ARHGAP35: variants seen among roughly 807,000 people sequenced by gnomAD.
The protein encoded by ARHGAP35 is Rho GTPase activating protein 35, also known as rho GTPase-activating protein 35.
Under a neutral mutation model 111.1 loss-of-function variants are expected in ARHGAP35, and 15 were observed. The observed-to-expected ratio is 0.13, with a 90% CI of 0.09 to 0.21. The LOEUF is 0.21. ARHGAP35 is among the 10% of genes least tolerant of loss of function. ARHGAP35 has a pLI of 1.00. For missense variants in ARHGAP35, 1,262 were observed against 1,873.0 expected (o/e 0.67, Z 6.02); for synonymous variants, 643 against 710.3 (o/e 0.91, Z 1.51).
chr19:46,884,211 G>T (rs374550114), intron 1 of ARHGAP35, among the ~76,000 whole-genome samples: 1 of 152,012 alleles, frequency 6.6e-6, no homozygotes, highest in Non-Finnish European at 1.5e-5. Flanking sequence ...TTTTGGAAGC[G>T]AAGGCAGGAG....
intron 3 of ARHGAP35, among the ~76,000 whole-genome samples, chr19:46,976,210 C>CT (rs772367746): frequency 0.33 from 39,343 of 118,636 alleles, 7,191 homozygotes; most frequent in East Asian, 0.41. Flanking sequence ...AAGCTTTCTC[C>CT]TTTTTTTTTT....
intron 1 of ARHGAP35, among the ~76,000 whole-genome samples, chr19:46,912,986 T>G (rs1250534580): frequency 1.3e-5 from 2 of 152,026 alleles, no homozygotes; most frequent in Non-Finnish European, 2.9e-5. Flanking sequence ...ATTTCCCCTA[T>G]TGAGATTAAG....
At chr19:46,891,508 C>A (rs528091315) in intron 1 of ARHGAP35, among the ~76,000 whole-genome samples, 211 of 151,336 alleles carry the variant, frequency 1.4e-3, no homozygotes, top group African/African-American at 4.8e-3. Context: ...CTCACTGCAA[C>A]CTCCGCCTCC....
At position 46,988,438 on chromosome 19, in the gene ARHGAP35, G is replaced by T; in HGVS notation, c.3904+372G>T. 1.3e-4 allele frequency: 31 copies of T among 236,486 alleles called. No homozygotes were observed. In the East Asian group the frequency reaches 1.8e-3, roughly 14 times the overall value. The allele number at this position is 236,486 out of a possible 1,614,324, so 14.6% of individuals were successfully genotyped here. Reference sequence around the variant, plus strand: ...ACAAGTCGGGTTGAGATGTGATCCTGTTTTGCCAGGGCCTCAGATCTACCC... The same window carrying T: ...ACAAGTCGGGTTGAGATGTGATCCTTTTTTGCCAGGGCCTCAGATCTACCC... On this transcript the variant is annotated intron_variant, in intron 4 of 6. Coordinates refer to ENST00000672722, the MANE Select transcript of ARHGAP35 (RefSeq NM_004491.5). The surrounding 1 kb of genome is among the most constrained non-coding windows in gnomAD (Gnocchi z 5.4).
At chr19:46,897,025 C>G (rs527508420) in intron 1 of ARHGAP35, among the ~76,000 whole-genome samples, 10 of 151,546 alleles carry the variant, frequency 6.6e-5, no homozygotes, top group Non-Finnish European at 1.3e-4. Flanking sequence ...TCCCAAGTAG[C>G]TGGGACTACA....
At chr19:46,966,713 T>C (rs1366865558) in intron 3 of ARHGAP35, among the ~76,000 whole-genome samples, 1 of 152,216 alleles carries the variant, frequency 6.6e-6, no homozygotes, top group African/African-American at 2.4e-5. Context: ...TGTAATAAGT[T>C]AGTCTATAAT....
At position 46,868,071 on chromosome 19, in the gene ARHGAP35, T is replaced by G. The variant is rs755953775; in HGVS notation, c.-189+6862T>G. 7.2e-4 allele frequency among the ~76,000 whole-genome samples: 110 copies of G among 152,202 alleles called. 1 individual carries two copies. Among genetic ancestry groups the G allele is most frequent in the Non-Finnish European group, 2.4e-4 (16 of 68,032 alleles). On this transcript the variant is annotated intron_variant, in intron 1 of 6. Coordinates refer to ENST00000672722, the MANE Select transcript of ARHGAP35 (RefSeq NM_004491.5). ...TTAGTAGAGACGGGGTTTTGCCATG[T>G]TGGCCAGCCTGGTCTCGAACTCCTG...
chr19:46,937,182 C>T, intron 2 of ARHGAP35, 82 bp from the exon 3 acceptor site: 1 of 1,516,724 alleles, frequency 6.6e-7, no homozygotes, highest in South Asian at 1.2e-5. Flanking sequence ...CCACTGCTTC[C>T]CTTCTGGAAG....
At chr19:46,878,435 A>G (rs1391520144) in intron 1 of ARHGAP35, among the ~76,000 whole-genome samples, 2 of 151,684 alleles carry the variant, frequency 1.3e-5, no homozygotes, top group African/African-American at 2.4e-5. Flanking sequence ...TTGTGCCTCA[A>G]CCTCTGGAGT....
At chr19:46,975,828 A>G (rs2056576692) in intron 3 of ARHGAP35, among the ~76,000 whole-genome samples, 1 of 152,200 alleles carries the variant, frequency 6.6e-6, no homozygotes, top group Non-Finnish European at 1.5e-5. Flanking sequence ...ACCAGTTCCT[A>G]GAGCTATCAT....
chr19:46,973,031 T>C (rs529781314), intron 3 of ARHGAP35, among the ~76,000 whole-genome samples: 1 of 150,826 alleles, frequency 6.6e-6, no homozygotes, highest in South Asian at 2.1e-4. Context: ...ATTTTTTTTC[T>C]TCCTGACAAA....
At chr19:46,879,356 A>G (rs1380479978) in intron 1 of ARHGAP35, among the ~76,000 whole-genome samples, 1 of 152,102 alleles carries the variant, frequency 6.6e-6, no homozygotes, top group African/African-American at 2.4e-5. Flanking sequence ...AGGGAGGCCA[A>G]GGCAGGCAGA....
chr19:46,925,195 G>A (rs1410990261), intron 2 of ARHGAP35, among the ~76,000 whole-genome samples: 1 of 152,206 alleles, frequency 6.6e-6, no homozygotes, highest in Non-Finnish European at 1.5e-5. Context: ...AGAGTGACTA[G>A]AAGGTGAAAT....
At chr19:46,924,313 G>A (rs1008366511) in intron 2 of ARHGAP35, among the ~76,000 whole-genome samples, 5 of 152,152 alleles carry the variant, frequency 3.3e-5, no homozygotes, top group African/African-American at 9.7e-5. Flanking sequence ...AGAGATGGAG[G>A]AACAGGGTGC....
chr19:46,900,271 G>T (rs1403006198), intron 1 of ARHGAP35, among the ~76,000 whole-genome samples: 1 of 143,802 alleles, frequency 7.0e-6, no homozygotes, highest in African/African-American at 2.6e-5. Context: ...ACCCAAGTTG[G>T]AGTGCAGTGG....
intron 1 of ARHGAP35, among the ~76,000 whole-genome samples, chr19:46,881,019 A>G (rs1477201628): frequency 6.9e-6 from 1 of 145,158 alleles, no homozygotes; most frequent in Admixed American, 7.2e-5. Context: ...ATCTCAGCTC[A>G]CCACAATCTC....
intron 2 of ARHGAP35, among the ~76,000 whole-genome samples, chr19:46,931,771 G>T (rs543792749): frequency 2.6e-5 from 4 of 152,280 alleles, no homozygotes; most frequent in Non-Finnish European, 5.9e-5. Context: ...CCATGCAGGG[G>T]AAAGAGCATG....
chr19:46,968,958 G>A (rs1368400476), intron 3 of ARHGAP35, among the ~76,000 whole-genome samples: 1 of 152,118 alleles, frequency 6.6e-6, no homozygotes, highest in Non-Finnish European at 1.5e-5. Context: ...GTAGTGGTGT[G>A]TGCCTGTAAT....
At chr19:46,991,745 G>A (rs539868163) in intron 5 of ARHGAP35, among the ~76,000 whole-genome samples, 2 of 152,220 alleles carry the variant, frequency 1.3e-5, no homozygotes, top group African/African-American at 4.8e-5. Flanking sequence ...CAACTGAGCC[G>A]CAGATACCAG....
Sources: gnomAD v4.1 joint callset for allele counts (sites outside exome capture counted in the v4.1 genomes callset) on GRCh38, gnomAD v4.1.1 for gene constraint, Gnocchi (gnomAD v3.1) non-coding constraint, MANE v1.5 for transcripts, NCBI Gene and HGNC (gene_info 2026-07-23, HGNC 2026-07-21) for gene names.